COL25A1: variants seen among roughly 807,000 people sequenced by gnomAD.
COL25A1 encodes collagen type XXV alpha 1 chain.
Under a neutral mutation model 128.4 loss-of-function variants are expected in COL25A1, and 103 were observed. The observed-to-expected ratio is 0.80, with a 90% confidence interval of 0.68 to 0.94. The LOEUF is 0.94. Among genes scored for constraint, COL25A1 ranks in the 40% least tolerant of loss-of-function variants. The pLI, the probability that COL25A1 is intolerant of heterozygous loss-of-function variation, is 0.00. For synonymous variants in COL25A1, 279 were observed against 277.2 expected (o/e 1.01, Z -0.06); for missense variants, 745 against 840.0 (o/e 0.89, Z 1.40).
intron 3 of COL25A1, among the ~76,000 whole-genome samples, chr4:109,244,935 T>C (rs1207343486): frequency 1.3e-5 from 2 of 152,148 alleles, no homozygotes; most frequent in Non-Finnish European, 2.9e-5. Context: ...TAATCTCTAT[T>C]CAAATAGCCA....
chr4:109,186,665 C>T (rs1394372238), intron 3 of COL25A1, among the ~76,000 whole-genome samples: 1 of 152,148 alleles, frequency 6.6e-6, no homozygotes, highest in Non-Finnish European at 1.5e-5. Context: ...ACAAATGGGA[C>T]AGGATCACTA....
intron 5 of COL25A1, among the ~76,000 whole-genome samples, 161 bp downstream of exon 5, chr4:109,048,007 C>G (rs1760607372): frequency 6.6e-6 from 1 of 152,098 alleles, no homozygotes; most frequent in Non-Finnish European, 1.5e-5. Flanking sequence ...GCTGGGATTA[C>G]AGGCGTGAGC....
At chr4:108,970,384 C>A (rs1163670263) in intron 8 of COL25A1, among the ~76,000 whole-genome samples, 3 of 152,110 alleles carry the variant, frequency 2.0e-5, no homozygotes, top group Non-Finnish European at 2.9e-5. Context: ...TTTTACTTAA[C>A]CTACTTATTG....
At chr4:109,020,525 C>T (rs1724450) in intron 5 of COL25A1, among the ~76,000 whole-genome samples, 72,153 of 142,614 alleles carry the variant, frequency 0.51, 20,885 homozygotes, top group African/African-American at 0.78. Flanking sequence ...GGGGGTTCAA[C>T]ATAAAAAACA....
chr4:109,048,087 A>G, intron 5 of COL25A1, 81 bp downstream of exon 5: 7 of 1,420,992 alleles, frequency 4.9e-6, no homozygotes, highest in Non-Finnish European at 7.0e-6. Context: ...CATAGAGACT[A>G]TATTTTGGTG....
chr4:108,897,694 T>C (rs771575977), intron 15 of COL25A1, among the ~76,000 whole-genome samples: 6 of 152,242 alleles, frequency 3.9e-5, no homozygotes, highest in Non-Finnish European at 8.8e-5. Flanking sequence ...TTCCATAGGC[T>C]GGAATGCAGT....
intron 31 of COL25A1, among the ~76,000 whole-genome samples, chr4:108,833,903 T>C (rs554397550): frequency 2.0e-5 from 3 of 152,230 alleles, no homozygotes; most frequent in East Asian, 3.9e-4. Context: ...AAATTGAAAG[T>C]TAGTGCCAAG....
rs141859713 is a variant in COL25A1 at position 108,863,485 on chromosome 4, G to C, written c.1084-98C>G. The stretch of plus-strand genomic sequence containing the variant: ...GTTGAAGGAAACCAAAGAAAGCAGA[G>C]AGTTTTCATTGATTTACCCTGTACC... On this transcript the variant is annotated intron_variant, in intron 20 of 37. Transcript: ENST00000399132. 7.2e-5 allele frequency: 68 copies of C among 940,760 alleles called. No individual in the cohort carries two copies. In the African/African-American group the frequency reaches 9.9e-4, roughly 14 times the overall value. The allele number at this position is 940,760 out of a possible 1,614,324, so 58.3% of individuals were successfully genotyped here.
chr4:109,272,629 G>A (rs1782269137), intron 3 of COL25A1, among the ~76,000 whole-genome samples: 1 of 152,256 alleles, frequency 6.6e-6, no homozygotes, highest in Non-Finnish European at 1.5e-5. Flanking sequence ...TATGGACAAG[G>A]CACTGTGGGA....
intron 32 of COL25A1, among the ~76,000 whole-genome samples, 186 bp downstream of exon 32, chr4:108,832,194 T>C (rs889765659): frequency 2.0e-5 from 3 of 152,214 alleles, no homozygotes; most frequent in African/African-American, 7.2e-5. Context: ...CCGTGTTCTA[T>C]TTTATGCTCT....
At chr4:109,277,671 T>C (rs764878979) in intron 3 of COL25A1, among the ~76,000 whole-genome samples, 2 of 152,156 alleles carry the variant, frequency 1.3e-5, no homozygotes, top group Non-Finnish European at 2.9e-5. Flanking sequence ...TAATAGTAAA[T>C]ACCCTGGGAA....
intron 3 of COL25A1, among the ~76,000 whole-genome samples, chr4:109,097,914 G>A (rs567018227): frequency 9.2e-4 from 139 of 151,780 alleles, no homozygotes; most frequent in Non-Finnish European, 1.1e-3. Context: ...CACCTACCTC[G>A]GCCTCCCAAA....
chr4:109,216,638 G>A (rs778333809), intron 3 of COL25A1, among the ~76,000 whole-genome samples: 11 of 152,054 alleles, frequency 7.2e-5, no homozygotes, highest in Non-Finnish European at 1.5e-4. Flanking sequence ...AGAAATGCCC[G>A]GTACTATCAT....
chr4:109,031,612 G>A (rs904706845), intron 5 of COL25A1, among the ~76,000 whole-genome samples: 5 of 152,128 alleles, frequency 3.3e-5, no homozygotes, highest in African/African-American at 9.7e-5. Context: ...CCAGCGAGAT[G>A]TACTGCCCAC....
chr4:109,200,332 T>C (rs1278496808), intron 3 of COL25A1, among the ~76,000 whole-genome samples: 1 of 152,214 alleles, frequency 6.6e-6, no homozygotes, highest in Non-Finnish European at 1.5e-5. Flanking sequence ...TCCACTTCCA[T>C]TTTACCTCAT....
At chr4:108,863,982 C>A (rs1737578616) in intron 20 of COL25A1, among the ~76,000 whole-genome samples, 1 of 152,154 alleles carries the variant, frequency 6.6e-6, no homozygotes, top group South Asian at 2.1e-4. Flanking sequence ...TCTCCTCCAG[C>A]TTGCAGATAG....
At chr4:109,143,954 A>T (rs919780342) in intron 3 of COL25A1, among the ~76,000 whole-genome samples, 2 of 152,018 alleles carry the variant, frequency 1.3e-5, no homozygotes, top group Non-Finnish European at 2.9e-5. Flanking sequence ...AGGAGTTGTG[A>T]TCCTTTAAAG....
At chr4:109,158,422 T>G (rs960172309) in intron 3 of COL25A1, among the ~76,000 whole-genome samples, 12 of 152,206 alleles carry the variant, frequency 7.9e-5, no homozygotes, top group African/African-American at 2.4e-4. Flanking sequence ...TATAGTATAT[T>G]ATTTTATTCA....
intron 11 of COL25A1, among the ~76,000 whole-genome samples, chr4:108,933,851 G>GACAC (rs3065581): frequency 0.44 from 64,880 of 148,562 alleles, 15,525 homozygotes; most frequent in East Asian, 0.88. Context: ...CAAGTTCACA[G>GACAC]ACACACACAC....
Sources: gnomAD v4.1 joint callset for allele counts (sites outside exome capture counted in the v4.1 genomes callset) on GRCh38, gnomAD v4.1.1 for gene constraint, MANE v1.5 for transcripts, NCBI Gene and HGNC (gene_info 2026-07-23, HGNC 2026-07-21) for gene names.